Variants in SERPINE2 observed in about 807,000 individuals in gnomAD.
The protein encoded by SERPINE2 is serpin family E member 2, also known as glia-derived nexin.
Under a neutral mutation model 36.3 loss-of-function variants are expected in SERPINE2, and 14 were observed. The ratio of observed to expected loss-of-function variants is 0.39; its 90% CI spans 0.25 to 0.60. The LOEUF (loss-of-function observed/expected upper bound fraction) is 0.60. Ranked by LOEUF, SERPINE2 falls within the 20% of genes least tolerant of loss-of-function variation. The probability of loss-of-function intolerance (pLI) is 0.57; values close to 1 mark genes in which losing one functional copy is unlikely to be tolerated. For missense variants in SERPINE2, 418 were observed against 499.6 expected (o/e 0.84, Z 1.56); for synonymous variants, 192 against 191.8 (o/e 1.00, Z -0.01).
intron 1 of SERPINE2, among the ~76,000 whole-genome samples, chr2:224,006,427 A>T (rs1691427117): frequency 6.6e-6 from 1 of 152,180 alleles, no homozygotes; most frequent in Admixed American, 6.5e-5. Context: ...ACCTAGCAAC[A>T]GTGACACTTC....
chr2:223,979,609 G>A (rs552417252), intron 7 of SERPINE2: 5 of 152,238 alleles, frequency 3.3e-5, no homozygotes, highest in Non-Finnish European at 5.9e-5. Context: ...ACTGACTTAC[G>A]ATTGTTCTGT....
chr2:224,012,026 G>A (rs1691641904), intron 1 of SERPINE2, among the ~76,000 whole-genome samples: 1 of 152,122 alleles, frequency 6.6e-6, no homozygotes, highest in African/African-American at 2.4e-5. Flanking sequence ...GGCCCTAAGT[G>A]GTTGAGAGTT....
intron 1 of SERPINE2, among the ~76,000 whole-genome samples, chr2:224,024,608 G>A (rs1307912935): frequency 6.6e-6 from 1 of 152,208 alleles, no homozygotes; most frequent in Non-Finnish European, 1.5e-5. Context: ...CTGCAACTCA[G>A]TTTCCTCATC....
intron 1 of SERPINE2, among the ~76,000 whole-genome samples, chr2:224,004,419 A>G (rs963990689): frequency 2.6e-5 from 4 of 152,196 alleles, no homozygotes; most frequent in African/African-American, 7.2e-5. Flanking sequence ...AATTGTATCA[A>G]CTCAGCCCGT....
chr2:223,976,324 G>A (rs1390110009), intron 8 of SERPINE2, among the ~76,000 whole-genome samples: 4 of 152,082 alleles, frequency 2.6e-5, no homozygotes, highest in African/African-American at 9.7e-5. Context: ...CCAATTTTTT[G>A]TATTTCTAAC....
intron 6 of SERPINE2, 66 bp downstream of exon 6, chr2:223,982,615 G>T: frequency 1.0e-6 from 1 of 969,904 alleles, no homozygotes. Context: ...CTTTTTCTCT[G>T]CACAAATCAG....
chr2:224,024,692 C>G (rs1247722734), intron 1 of SERPINE2, among the ~76,000 whole-genome samples: 1 of 152,200 alleles, frequency 6.6e-6, no homozygotes, highest in Non-Finnish European at 1.5e-5. Context: ...CGCGAAGATG[C>G]TGAAGAACAA....
At chr2:224,038,683 C>A (rs977060543) in intron 1 of SERPINE2, 1 of 657,216 alleles carries the variant, frequency 1.5e-6, no homozygotes, top group Non-Finnish European at 2.7e-6. Context: ...CGGCGCGCAG[C>A]CTAAGTCCGG....
Position 224,001,610 on chromosome 2 carries a change from G to A in SERPINE2, c.259+32C>T, listed in dbSNP as rs750677138. ...TCCTGTCACAAGACTCTCAGGCAAA[G>A]GCTCCGCCAGTGAGCAATTGTGCAC... On this transcript the variant is annotated intron_variant, in intron 2 of 8. Coordinates refer to ENST00000409304, the MANE Select transcript of SERPINE2 (RefSeq NM_001136528.2). 3.1e-6 allele frequency: 5 copies of A among 1,593,842 alleles called. No individual in the cohort carries two copies. The South Asian group carries it at 4.5e-5, about 14-fold the overall frequency.
At chr2:223,986,923 T>C (rs1037317850) in intron 4 of SERPINE2, among the ~76,000 whole-genome samples, 16 of 152,170 alleles carry the variant, frequency 1.1e-4, no homozygotes, top group African/African-American at 3.4e-4. Context: ...GACATACGCA[T>C]GCTTACCTTT....
At chr2:223,987,905 T>C (rs1690498657) in intron 4 of SERPINE2, among the ~76,000 whole-genome samples, 1 of 152,224 alleles carries the variant, frequency 6.6e-6, no homozygotes, top group Non-Finnish European at 1.5e-5. Flanking sequence ...GTCCCTCTAA[T>C]TACCTTCTAC....
chr2:224,001,685 C>T lies in SERPINE2; in HGVS notation c.216G>A (p.Arg72=). 2.5e-6 allele frequency: 4 copies of T among 1,614,164 alleles called. No homozygotes were observed. Among genetic ancestry groups the T allele is most frequent in the Non-Finnish European group, 3.4e-6 (4 of 1,180,046 alleles). Residue 72 remains arginine, a synonymous_variant, in exon 2 of 9, where the codon AGG becomes AGA. Transcript: ENST00000409304. ...LGMLQLGADG[R]TKKQLAMVMR... ...TCACCATGGCGAGCTGCTTCTTGGT[C>T]CTGCCGTCCGCCCCCAGCTGAAGCA...
At chr2:224,036,642 T>TTA in intron 1 of SERPINE2, among the ~76,000 whole-genome samples, 1 of 142,730 alleles carries the variant, frequency 7.0e-6, no homozygotes, top group East Asian at 2.1e-4. Flanking sequence ...TAATAAAAAT[T>TTA]AAAAAAAAAA....
intron 4 of SERPINE2, among the ~76,000 whole-genome samples, chr2:223,990,774 T>A (rs1191416252): frequency 6.6e-6 from 1 of 152,104 alleles, no homozygotes; most frequent in Non-Finnish European, 1.5e-5. Context: ...GCCCAGGAGT[T>A]CAAGACTAGC....
intron 1 of SERPINE2, among the ~76,000 whole-genome samples, chr2:224,038,303 C>T (rs1033309755): frequency 2.6e-5 from 4 of 152,064 alleles, no homozygotes; most frequent in African/African-American, 9.7e-5. Flanking sequence ...GAGATTTCTC[C>T]AGAGACACAC....
At chr2:224,016,343 T>C (rs1453740211) in intron 1 of SERPINE2, among the ~76,000 whole-genome samples, 1 of 152,094 alleles carries the variant, frequency 6.6e-6, no homozygotes, top group Non-Finnish European at 1.5e-5. Context: ...CTGTCTCTAC[T>C]AAAAATATAA....
chr2:224,005,539 T>A (rs1559209524), intron 1 of SERPINE2, among the ~76,000 whole-genome samples: 3 of 152,146 alleles, frequency 2.0e-5, no homozygotes, highest in Admixed American at 6.6e-5. Flanking sequence ...AGAGTGGGTG[T>A]TGATCTATAA....
chr2:224,016,595 T>C (rs754698051), intron 1 of SERPINE2, among the ~76,000 whole-genome samples: 21 of 152,244 alleles, frequency 1.4e-4, no homozygotes, highest in Middle Eastern at 3.4e-3. Context: ...AAACTAAACA[T>C]GCACTTAACT....
chr2:223,976,059 A>G (rs1006144674), intron 8 of SERPINE2, among the ~76,000 whole-genome samples, 155 bp from the exon 9 acceptor site: 4 of 152,192 alleles, frequency 2.6e-5, no homozygotes, highest in Non-Finnish European at 5.9e-5. Flanking sequence ...GAGATGGTCT[A>G]TATCTTTGTT....
Sources: allele counts gnomAD v4.1 joint callset (sites outside exome capture counted in the v4.1 genomes callset), GRCh38; gene constraint gnomAD v4.1.1; transcripts MANE v1.5; gene names NCBI Gene and HGNC (gene_info 2026-07-23, HGNC 2026-07-21).